The following HIVEP2 variants were observed in gnomAD, a reference collection of about 807,000 sequenced individuals.
HIVEP2 encodes the protein HIVEP zinc finger 2, also known as transcription factor HIVEP2.
Under a neutral mutation model 180.7 loss-of-function variants are expected in HIVEP2, and 14 were observed. The ratio of observed to expected loss-of-function variants is 0.08; its 90% CI spans 0.05 to 0.12. HIVEP2 has a LOEUF of 0.12. Ranked by LOEUF, HIVEP2 falls within the 10% of genes least tolerant of loss-of-function variation. The pLI, the probability that HIVEP2 is intolerant of heterozygous loss-of-function variation, is 1.00. For missense variants in HIVEP2, 2,579 were observed against 3,008.5 expected (o/e 0.86, Z 3.34); for synonymous variants, 1,184 against 1,136.4 (o/e 1.04, Z -0.84).
At position 142,753,640 on chromosome 6, in the gene HIVEP2, A is replaced by G. The variant is rs758727905; in HGVS notation, c.6808T>C (p.Ser2270Pro). ...AGCACATAGGGGTCCTTGGAGAAGGACTCCCCTGACGCGCCTTTCTTCTCC... is the reference window on the plus strand; with the variant it reads ...AGCACATAGGGGTCCTTGGAGAAGGGCTCCCCTGACGCGCCTTTCTTCTCC... ...FEEKKGASGE[S>P]FSKDPYVLSK... is the part of the protein sequence containing the mutation. Residue 2270 changes from serine (S) to proline (P), a missense_variant, in exon 10 of 10, where the codon TCC becomes CCC. By Grantham distance (74) the Ser-to-Pro change is moderately conservative. This residue lies in a region of HIVEP2 where 660 missense variants were observed against 731.7 expected (regional missense o/e 0.90). Coordinates refer to ENST00000367603, the MANE Select transcript of HIVEP2 (RefSeq NM_006734.4). 6.2e-7 allele frequency: 1 copy of G among 1,613,496 alleles called. No homozygotes were observed. Among genetic ancestry groups the G allele is most frequent in the South Asian group, 1.1e-5 (1 of 91,040 alleles).
At position 142,760,435 on chromosome 6, in the gene HIVEP2, G is replaced by A. The variant is rs150164040; in HGVS notation, c.5853C>T (p.Gly1951=). The A allele has an allele frequency of 1.7e-5, 27 of 1,614,106 alleles. No individual in the cohort carries two copies. In the African/African-American group the frequency reaches 1.9e-4, roughly 11 times the overall value. The stretch of plus-strand genomic sequence containing the variant: ...CTGAAGGAACCCCGTGGGGTACGGC[G>A]CCAACATTCACAGGCAAGGAGGAGA... ...PRFSSLPVNV[G]AVPHGVPSDS... The change falls in exon 9 of 10, where the codon GGC becomes GGT. Residue 1951 remains glycine, a synonymous_variant. Coordinates refer to ENST00000367603, the MANE Select transcript of HIVEP2 (RefSeq NM_006734.4).
intron 9 of HIVEP2, among the ~76,000 whole-genome samples, chr6:142,758,851 C>G (rs900200134): frequency 6.6e-6 from 1 of 152,284 alleles, no homozygotes; most frequent in Non-Finnish European, 1.5e-5. Context: ...CACGCTTCCA[C>G]TGAGCAAGTG....
intron 1 of HIVEP2, among the ~76,000 whole-genome samples, chr6:142,907,943 T>C (rs1232177630): frequency 6.6e-6 from 1 of 152,200 alleles, no homozygotes; most frequent in Non-Finnish European, 1.5e-5. Flanking sequence ...GCCACTCCAT[T>C]ACTCAAAAAT....
chr6:142,773,288 T>A lies in HIVEP2; in HGVS notation c.1451A>T (p.Asp484Val). Reference sequence around the variant, plus strand: ...CATGCTCGTTTGACTGGGGTCGACATCTCCCTTGCTTGGGATCAGCTGTGA... The same window carrying A: ...CATGCTCGTTTGACTGGGGTCGACAACTCCCTTGCTTGGGATCAGCTGTGA... ...PVSQLIPSKG[D>V]VDPSQTSMLK... The change falls in exon 5 of 10, where the codon GAT (aspartate) becomes GTT (valine). Residue 484 changes from aspartate (D) to valine (V), a missense_variant. Coordinates refer to ENST00000367603, the MANE Select transcript of HIVEP2 (RefSeq NM_006734.4). 1 of 1,614,188 alleles carries A rather than the reference T, an allele frequency of 6.2e-7. No individual in the cohort carries two copies. Among genetic ancestry groups the A allele is most frequent in the Non-Finnish European group, 8.5e-7 (1 of 1,180,030 alleles).
chr6:142,908,308 G>A (rs1290295331), intron 1 of HIVEP2, among the ~76,000 whole-genome samples: 1 of 152,172 alleles, frequency 6.6e-6, no homozygotes, highest in Non-Finnish European at 1.5e-5. Context: ...TTCTAAAGAT[G>A]TTAACCAATC....
At chr6:142,809,591 G>GTT (rs1776638399) in intron 2 of HIVEP2, among the ~76,000 whole-genome samples, 1 of 151,784 alleles carries the variant, frequency 6.6e-6, no homozygotes, top group African/African-American at 2.4e-5. Context: ...CTGTTTGTTT[G>GTT]TTTGTTTGTT....
At chr6:142,876,856 T>TCACA (rs10548517) in intron 1 of HIVEP2, among the ~76,000 whole-genome samples, 20,372 of 149,596 alleles carry the variant, frequency 0.14, 1,588 homozygotes, top group Non-Finnish European at 0.17. Flanking sequence ...AATCCCATCT[T>TCACA]CACACACACA....
At chr6:142,908,854 CAAAAA>C (rs11443809) in intron 1 of HIVEP2, among the ~76,000 whole-genome samples, 4 of 87,856 alleles carry the variant, frequency 4.6e-5, no homozygotes, top group East Asian at 3.4e-4. Context: ...TACCACCTCT[CAAAAA>C]AAAAAAAAAA....
At chr6:142,794,836 C>T (rs1041802467) in intron 2 of HIVEP2, among the ~76,000 whole-genome samples, 2 of 152,146 alleles carry the variant, frequency 1.3e-5, no homozygotes, top group Non-Finnish European at 2.9e-5. Flanking sequence ...AGTTTTGAAG[C>T]CATTTGATCA....
chr6:142,905,190 G>A (rs1387823131), intron 1 of HIVEP2, among the ~76,000 whole-genome samples: 1 of 152,162 alleles, frequency 6.6e-6, no homozygotes, highest in Non-Finnish European at 1.5e-5. Flanking sequence ...AGTTAAGAAA[G>A]ATACTGCTCA....
intron 9 of HIVEP2, among the ~76,000 whole-genome samples, chr6:142,755,683 G>T (rs1014495894): frequency 2.0e-5 from 3 of 152,174 alleles, no homozygotes; most frequent in Admixed American, 6.5e-5. Flanking sequence ...CTGACAAATG[G>T]AGTCATGAAT....
At chr6:142,801,202 A>C (rs1776398748) in intron 2 of HIVEP2, among the ~76,000 whole-genome samples, 1 of 151,700 alleles carries the variant, frequency 6.6e-6, no homozygotes, top group Non-Finnish European at 1.5e-5. Flanking sequence ...AAAAAAAAAA[A>C]AAAAAAAAAC....
chr6:142,920,847 G>A (rs139115471), intron 1 of HIVEP2, among the ~76,000 whole-genome samples: 4 of 152,198 alleles, frequency 2.6e-5, no homozygotes, highest in African/African-American at 4.8e-5. Flanking sequence ...GCTGGGAATC[G>A]GAGCACATGC....
intron 1 of HIVEP2, among the ~76,000 whole-genome samples, chr6:142,944,373 C>T (rs868057065): frequency 9.1e-5 from 11 of 120,364 alleles, no homozygotes; most frequent in Admixed American, 3.3e-4. Flanking sequence ...CCCCCCCCCC[C>T]ACCAAATACG....
chr6:142,920,774 G>A (rs1443854409), intron 1 of HIVEP2, among the ~76,000 whole-genome samples: 2 of 152,118 alleles, frequency 1.3e-5, no homozygotes, highest in Non-Finnish European at 2.9e-5. Flanking sequence ...TTGAGCCCAG[G>A]AGTTCCAGAT....
At chr6:142,823,977 G>C (rs947368684) in intron 2 of HIVEP2, among the ~76,000 whole-genome samples, 1 of 151,888 alleles carries the variant, frequency 6.6e-6, no homozygotes, top group Non-Finnish European at 1.5e-5. Flanking sequence ...TGGATATTTT[G>C]TAAGAAAAAT....
At chr6:142,941,628 G>A (rs1312577294) in intron 1 of HIVEP2, among the ~76,000 whole-genome samples, 1 of 152,164 alleles carries the variant, frequency 6.6e-6, no homozygotes, top group African/African-American at 2.4e-5. Context: ...GGATCTGCCT[G>A]TATGGTTAAA....
chr6:142,759,724 C>T (rs369563901), intron 9 of HIVEP2, 48 bp downstream of exon 9: 161 of 1,458,018 alleles, frequency 1.1e-4, no homozygotes, highest in Non-Finnish European at 1.4e-4. Flanking sequence ...TCAGGAGGAC[C>T]AATGTGCTTC....
intron 7 of HIVEP2, among the ~76,000 whole-genome samples, chr6:142,762,393 T>C (rs1242884116): frequency 8.6e-5 from 13 of 151,670 alleles, no homozygotes; most frequent in South Asian, 2.1e-4. Context: ...CTTTATGAAA[T>C]GTGAGAAATT....
Sources: gnomAD v4.1 joint callset for allele counts (sites outside exome capture counted in the v4.1 genomes callset) on GRCh38, gnomAD v4.1.1 for gene constraint, gnomAD v4.1.1 regional missense constraint, MANE v1.5 for transcripts, NCBI Gene and HGNC (gene_info 2026-07-23, HGNC 2026-07-21) for gene names.